UVSSA: variants seen among roughly 807,000 people sequenced by gnomAD.
UVSSA encodes UV stimulated scaffold protein A.
A neutral mutation model predicts 73.9 loss-of-function variants in UVSSA; 72 were observed. The observed-to-expected ratio is 0.97, with a 90% CI of 0.81 to 1.19. The LOEUF is 1.19. Among genes scored for constraint, UVSSA ranks in the 50% most tolerant of loss-of-function variants. The pLI is 0.00. For synonymous variants in UVSSA, 454 were observed against 391.3 expected (o/e 1.16, Z -1.89); for missense variants, 1,150 against 965.0 (o/e 1.19, Z -2.54).
exon 14 of UVSSA, chr4:1,394,421 T>TTG (rs1720472105): frequency 6.3e-7 from 1 of 1,579,448 alleles, no homozygotes; most frequent in African/African-American, 1.3e-5. Context: ...ATTGAAATCA[T>TTG]TGATCTACTT....
At chr4:1,348,325 A>C (rs138850155) in intron 2 of UVSSA, 136 bp downstream of exon 2, 5 of 686,736 alleles carry the variant, frequency 7.3e-6, no homozygotes, top group Non-Finnish European at 1.2e-5. Flanking sequence ...GGGGCCCTGC[A>C]GTACCCGGCT....
At chr4:1,370,820 G>A (rs540237144) in intron 8 of UVSSA, among the ~76,000 whole-genome samples, 24 of 152,320 alleles carry the variant, frequency 1.6e-4, no homozygotes, top group Admixed American at 7.8e-4. Context: ...CAGACAGCCC[G>A]AGTTCTGTGA....
chr4:1,375,209 C>G, intron 8 of UVSSA, 155 bp from the exon 9 acceptor site: 1 of 1,264,798 alleles, frequency 7.9e-7, no homozygotes, highest in African/African-American at 1.5e-5. Context: ...GGGCCTCACC[C>G]TCGCCCGTGA....
At chr4:1,364,436 T>C (rs74554348) in intron 7 of UVSSA, among the ~76,000 whole-genome samples, 4,707 of 152,042 alleles carry the variant, frequency 0.031, 268 homozygotes, top group African/African-American at 0.11. Flanking sequence ...GCTTTGTCTC[T>C]GGTGAACATG....
At chr4:1,369,744 C>T (rs889580372) in intron 8 of UVSSA, among the ~76,000 whole-genome samples, 1 of 152,258 alleles carries the variant, frequency 6.6e-6, no homozygotes, top group Admixed American at 6.5e-5. Context: ...CCCTCCCTCA[C>T]TGTCTGCTTT....
At chr4:1,342,042 T>G (rs577967697), upstream of UVSSA, among the ~76,000 whole-genome samples, 1 of 152,226 alleles carries the variant, frequency 6.6e-6, no homozygotes, top group Non-Finnish European at 1.5e-5. Flanking sequence ...TTTGGGGCTA[T>G]AATAAGTAAA....
At position 1,349,614 on chromosome 4, in the gene UVSSA, G is replaced by C; in HGVS notation, c.189G>C (p.Gln63His). Residue 63 changes from glutamine (Q) to histidine (H), a missense_variant, in exon 3 of 14, where the codon CAG becomes CAC. Gln to His is a conservative substitution (Grantham distance 24, BLOSUM62 0). Transcript: ENST00000389851. ...CCGAGATCCGTCTCTCAGCCTTCCA[G>C]ATTGTGGAGGAACTCTTCGTCAGGT... ...EHAEIRLSAF[Q>H]IVEELFVRSH... is the part of the protein sequence containing the mutation. 1 of 1,614,134 alleles carries C rather than the reference G, an allele frequency of 6.2e-7. No homozygotes were observed. Among genetic ancestry groups the C allele is most frequent in the South Asian group, 1.1e-5 (1 of 91,084 alleles).
intron 2 of UVSSA, among the ~76,000 whole-genome samples, chr4:1,348,559 G>A (rs533950335): frequency 2.0e-5 from 3 of 152,298 alleles, no homozygotes; most frequent in South Asian, 2.1e-4. Flanking sequence ...TTGGTCCATC[G>A]CCTTTAGGGT....
At chr4:1,365,477 CA>C (rs1285517400) in intron 7 of UVSSA, among the ~76,000 whole-genome samples, 4 of 152,312 alleles carry the variant, frequency 2.6e-5, no homozygotes, top group Non-Finnish European at 5.9e-5. Context: ...TGGCTTTTCT[CA>C]GGGGAAAAAG....
intron 7 of UVSSA, 42 bp downstream of exon 7, chr4:1,355,287 T>G: frequency 7.9e-6 from 10 of 1,266,908 alleles, no homozygotes; most frequent in Non-Finnish European, 8.8e-6. Context: ...CCCAGAGGCC[T>G]CAGTGGGGGA....
chr4:1,380,339 C>T, intron 11 of UVSSA, 109 bp downstream of exon 11: 3 of 1,340,644 alleles, frequency 2.2e-6, no homozygotes, highest in Non-Finnish European at 2.0e-6. Flanking sequence ...TGCTTGTGAG[C>T]ACTGAGAAGC....
In UVSSA at chr4:1,383,958, G is replaced by A; in HGVS notation, c.2036+18G>A. 1 of 1,603,512 alleles carries A rather than the reference G, an allele frequency of 6.2e-7. No homozygotes were observed. Among genetic ancestry groups the A allele is most frequent in the Non-Finnish European group, 8.5e-7 (1 of 1,175,540 alleles). On this transcript the variant is annotated intron_variant, in intron 13 of 13. Transcript: ENST00000389851. The stretch of plus-strand genomic sequence containing the variant: ...TTCGCCAAGTAAGAGTGGCTGCTGG[G>A]TCACCTCCCACCGCGTGGCCCCCCC...
At chr4:1,380,408 A>G (rs1313703483) in intron 11 of UVSSA, among the ~76,000 whole-genome samples, 178 bp downstream of exon 11, 3 of 152,216 alleles carry the variant, frequency 2.0e-5, no homozygotes, top group Non-Finnish European at 4.4e-5. Context: ...CCATCAGAGC[A>G]TGGTGTCTGG....
intron 12 of UVSSA, among the ~76,000 whole-genome samples, chr4:1,382,803 G>A (rs369264125): frequency 1.3e-5 from 2 of 152,132 alleles, no homozygotes; most frequent in Non-Finnish European, 2.9e-5. Flanking sequence ...ATGTGCCCCC[G>A]TGGCCTGGTC....
intron 10 of UVSSA, among the ~76,000 whole-genome samples, chr4:1,376,783 C>G (rs978086692): frequency 1.3e-4 from 20 of 152,206 alleles, no homozygotes; most frequent in Non-Finnish European, 2.2e-4. Flanking sequence ...CACGGCCTAT[C>G]GGGGGAACAG....
intron 8 of UVSSA, among the ~76,000 whole-genome samples, chr4:1,373,017 G>A (rs963507866): frequency 6.6e-6 from 1 of 152,178 alleles, no homozygotes; most frequent in African/African-American, 2.4e-5. Flanking sequence ...ACCTCAAAAG[G>A]CCTTGTCTCC....
At chr4:1,383,622 G>A (rs1473050561) in intron 12 of UVSSA, 144 bp from the exon 13 acceptor site, 2 of 909,988 alleles carry the variant, frequency 2.2e-6, no homozygotes, top group Admixed American at 2.4e-5. Flanking sequence ...ATCCTCTCAG[G>A]CTTGCTGCTG....
upstream of UVSSA, among the ~76,000 whole-genome samples, chr4:1,342,411 T>A (rs981033098): frequency 6.6e-6 from 1 of 152,268 alleles, no homozygotes; most frequent in Non-Finnish European, 1.5e-5. Context: ...TGCATTATCT[T>A]ACTGATTTGT....
intron 7 of UVSSA, among the ~76,000 whole-genome samples, chr4:1,361,771 T>G (rs976190867): frequency 6.6e-6 from 1 of 152,078 alleles, no homozygotes; most frequent in Admixed American, 6.5e-5. Flanking sequence ...TAAGATAGAA[T>G]GGGTTTTTAA....
Sources: allele counts gnomAD v4.1 joint callset (sites outside exome capture counted in the v4.1 genomes callset), GRCh38; gene constraint gnomAD v4.1.1; transcripts MANE v1.5; gene names NCBI Gene and HGNC (gene_info 2026-07-23, HGNC 2026-07-21).